The following L2HGDH variants were observed in gnomAD, a reference collection of about 807,000 sequenced individuals.
The protein encoded by L2HGDH is L-2-hydroxyglutarate dehydrogenase, mitochondrial.
Under a neutral mutation model 51.5 loss-of-function variants are expected in L2HGDH, and 34 were observed. The observed-to-expected ratio is 0.66, with a 90% CI of 0.50 to 0.88. The LOEUF (loss-of-function observed/expected upper bound fraction) is 0.88, where lower values mean the gene tolerates loss of function less well. Ranked by LOEUF, L2HGDH falls within the 40% of genes least tolerant of loss-of-function variation. L2HGDH has a pLI of 0.00. For synonymous variants in L2HGDH, 198 were observed against 197.9 expected (o/e 1.00, Z -0.01); for missense variants, 558 against 571.9 (o/e 0.98, Z 0.25).
At chr14:50,259,244 T>A (rs920048316) in intron 9 of L2HGDH, among the ~76,000 whole-genome samples, 2 of 151,832 alleles carry the variant, frequency 1.3e-5, no homozygotes, top group African/African-American at 4.8e-5. Flanking sequence ...CCCAAGTAGC[T>A]AGGACTATAT....
In L2HGDH at chr14:50,268,233, G is replaced by A. The variant is rs146457833; in HGVS notation, c.907-323C>T. On this transcript the variant is annotated intron_variant, in intron 7 of 9. Coordinates refer to ENST00000267436, the MANE Select transcript of L2HGDH (RefSeq NM_024884.3). ...ATCTCTACTAAAAATACAAAAATTA[G>A]CCTGGCGTGGTGGTGTGCACCTGTG... Among the ~76,000 whole-genome samples, 299 of 152,078 alleles carry A rather than the reference G, an allele frequency of 2.0e-3. 1 individual carries two copies. Among genetic ancestry groups the A allele is most frequent in the African/African-American group, 6.4e-3 (264 of 41,508 alleles).
At chr14:50,287,424 T>C (rs1595120188) in intron 4 of L2HGDH, 1 of 498,118 alleles carries the variant, frequency 2.0e-6, no homozygotes. Context: ...AACTCTACAA[T>C]TAAATTATTT....
chr14:50,250,240 T>C (rs1290791484), intron 9 of L2HGDH, among the ~76,000 whole-genome samples: 1 of 152,154 alleles, frequency 6.6e-6, no homozygotes, highest in Non-Finnish European at 1.5e-5. Flanking sequence ...AGCACTACCC[T>C]GGGCCAGAGG....
At chr14:50,262,826 TAGG>T (rs1566509281) in intron 9 of L2HGDH, among the ~76,000 whole-genome samples, 3 of 152,068 alleles carry the variant, frequency 2.0e-5, no homozygotes, top group Non-Finnish European at 2.9e-5. Flanking sequence ...TTAATAACTA[TAGG>T]AATCAAGAGA....
intron 3 of L2HGDH, among the ~76,000 whole-genome samples, chr14:50,295,826 C>T (rs1595135902): frequency 2.0e-5 from 3 of 150,762 alleles, no homozygotes; most frequent in Admixed American, 6.6e-5. Context: ...GCAACCTCTG[C>T]GTCCCAGGTT....
chr14:50,286,551 AC>A (rs1035613047), intron 4 of L2HGDH, among the ~76,000 whole-genome samples: 1 of 152,178 alleles, frequency 6.6e-6, no homozygotes, highest in African/African-American at 2.4e-5. Flanking sequence ...TGGGCATTTT[AC>A]CCAATATTCC....
At position 50,269,188 on chromosome 14, in the gene L2HGDH, T is replaced by C. The variant is rs147912016; in HGVS notation, c.881A>G (p.Tyr294Cys). ...CGGATAAATATTTCCTTTTACAAGA[T>C]AACATTTTTCTGGCTTCAAAAGCAG... is the stretch of plus-strand genomic sequence containing the variant. ...DYLLLKPEKC[Y>C]LVKGNIYPVP... Residue 294 changes from tyrosine (Y) to cysteine (C), a missense_variant, in exon 7 of 10, where the codon TAT becomes TGT. Coordinates refer to ENST00000267436, the MANE Select transcript of L2HGDH (RefSeq NM_024884.3). 2.5e-6 allele frequency: 4 copies of C among 1,605,802 alleles called. No individual in the cohort carries two copies. Among genetic ancestry groups the C allele is most frequent in the East Asian group, 4.5e-5 (2 of 44,412 alleles).
intron 4 of L2HGDH, among the ~76,000 whole-genome samples, chr14:50,292,539 T>C (rs1890939210): frequency 6.6e-6 from 1 of 152,076 alleles, no homozygotes; most frequent in Admixed American, 6.5e-5. Context: ...AAACCCTGTC[T>C]ATACGAAAAA....
At chr14:50,301,072 C>T (rs1000238315) in intron 3 of L2HGDH, among the ~76,000 whole-genome samples, 1 of 152,002 alleles carries the variant, frequency 6.6e-6, no homozygotes, top group Non-Finnish European at 1.5e-5. Context: ...GAACTATTTT[C>T]TAAAAAGGAA....
At position 50,275,488 on chromosome 14, in the gene L2HGDH, G is replaced by A. The variant is rs530367998; in HGVS notation, c.738+3032C>T. On this transcript the variant is annotated intron_variant, in intron 6 of 9. Transcript: ENST00000267436. ...GCCACCATGTGTGAACTTATGAGAT[G>A]TCTTATTCACCATCATGGTATTTTA... Among the ~76,000 whole-genome samples the A allele has an allele frequency of 1.9e-4, 29 of 152,316 alleles. No homozygotes were observed. In the South Asian group the frequency reaches 2.9e-3, roughly 15 times the overall value.
chr14:50,251,532 C>A (rs1888349831), intron 9 of L2HGDH, among the ~76,000 whole-genome samples: 1 of 151,972 alleles, frequency 6.6e-6, no homozygotes, highest in African/African-American at 2.4e-5. Flanking sequence ...GATTATAGAA[C>A]CCCAACAGCA....
intron 4 of L2HGDH, among the ~76,000 whole-genome samples, chr14:50,290,030 C>T (rs1344382779): frequency 2.6e-5 from 4 of 152,150 alleles, no homozygotes; most frequent in Non-Finnish European, 5.9e-5. Context: ...CTTTGGGAGG[C>T]TGAGGCGGGC....
chr14:50,245,263 GATATAATAGATAAA>G lies in L2HGDH; in HGVS notation c.*1781_*1794del. On this transcript the variant is annotated 3_prime_UTR_variant, in exon 10 of 10. Coordinates refer to ENST00000267436, the MANE Select transcript of L2HGDH (RefSeq NM_024884.3). ...AGCCTTAGTGTGACTAAAGATCAGA[GATATAATAGATAAA>G]TAACTTTTTTAAATTGGAGTTCTAT... is the stretch of plus-strand genomic sequence containing the variant. 1 of 984,910 alleles carries G rather than the reference GATATAATAGATAAA, an allele frequency of 1.0e-6. No individual in the cohort carries two copies. Among genetic ancestry groups the G allele is most frequent in the Non-Finnish European group, 1.2e-6 (1 of 829,512 alleles). 61.0% of individuals were successfully genotyped at this position (984,910 alleles called of 1,614,324 possible).
At chr14:50,262,091 G>C (rs1889058686) in intron 9 of L2HGDH, among the ~76,000 whole-genome samples, 1 of 152,160 alleles carries the variant, frequency 6.6e-6, no homozygotes, top group African/African-American at 2.4e-5. Flanking sequence ...TATACTGGTT[G>C]CAAGACAAAG....
chr14:50,298,250 A>G (rs1439121377), intron 3 of L2HGDH, among the ~76,000 whole-genome samples: 6 of 152,054 alleles, frequency 3.9e-5, no homozygotes, highest in Non-Finnish European at 7.4e-5. Flanking sequence ...TCAAAAAAAA[A>G]AAAAGAAAAA....
intron 7 of L2HGDH, among the ~76,000 whole-genome samples, chr14:50,268,467 A>C (rs1324593330): frequency 6.6e-6 from 1 of 152,132 alleles, no homozygotes; most frequent in Non-Finnish European, 1.5e-5. Flanking sequence ...TAAAGGAAAA[A>C]AAAAAGATGA....
chr14:50,278,169 C>T (rs1213196565), intron 6 of L2HGDH, among the ~76,000 whole-genome samples: 4 of 152,288 alleles, frequency 2.6e-5, no homozygotes, highest in African/African-American at 9.6e-5. Flanking sequence ...AGTCCATCTC[C>T]CTCTGGACAA....
rs375070101 is a variant in L2HGDH at position 50,312,069 on chromosome 14, C to T, written c.82G>A (p.Gly28Arg). The T allele has an allele frequency of 1.2e-6, 2 of 1,600,026 alleles. No homozygotes were observed. Among genetic ancestry groups the T allele is most frequent in the African/African-American group, 1.3e-5 (1 of 74,764 alleles). ...GGTCTTGGCCTCCCAGACGCGAACC[C>T]GCACGCCCCAGGGGAGCCACCGGCG... ...LFAGGSPGACGFASGRPRPLC... is the reference protein window; with the variant it reads ...LFAGGSPGACRFASGRPRPLC... Residue 28 changes from glycine to arginine, a missense_variant, in exon 1 of 10, where the codon GGG becomes AGG. Transcript: ENST00000267436.
chr14:50,310,597 G>C (rs997319476), intron 1 of L2HGDH, among the ~76,000 whole-genome samples: 3 of 151,986 alleles, frequency 2.0e-5, no homozygotes, highest in Admixed American at 2.0e-4. Flanking sequence ...CATTGGGGAG[G>C]GGGGCTGAGG....
Sources: allele counts gnomAD v4.1 joint callset (sites outside exome capture counted in the v4.1 genomes callset), GRCh38; gene constraint gnomAD v4.1.1; transcripts MANE v1.5; gene names NCBI Gene and HGNC (gene_info 2026-07-23, HGNC 2026-07-21).